Variants in LTB observed in about 807,000 individuals in gnomAD.
LTB encodes lymphotoxin beta, also known as lymphotoxin-beta.
In LTB, 17 loss-of-function variants were observed where a neutral mutation model predicts 14.7. The ratio of observed to expected loss-of-function variants is 1.16; its 90% CI spans 0.79 to 1.73. The LOEUF (loss-of-function observed/expected upper bound fraction) is 1.73. Ranked by LOEUF, LTB falls within the 40% of genes most tolerant of loss-of-function variation. LTB has a pLI of 0.00. For synonymous variants in LTB, 163 were observed against 157.3 expected (o/e 1.04, Z -0.27); for missense variants, 288 against 324.3 (o/e 0.89, Z 0.86).
intron 1 of LTB, 150 bp downstream of exon 1, chr6:31,582,106 G>C: frequency 1.1e-6 from 1 of 945,950 alleles, no homozygotes; most frequent in Non-Finnish European, 1.6e-6. Flanking sequence ...ACAGGAACAT[G>C]GAAAGAGAGT....
At position 31,580,951 on chromosome 6, in the gene LTB, G is replaced by A; in HGVS notation, c.493C>T (p.Arg165Trp). Residue 165 changes from arginine to tryptophan, a missense_variant, in exon 4 of 4, where the codon CGG (arginine) becomes TGG (tryptophan). Transcript: ENST00000429299. The surrounding 1 kb of genome is among the most constrained non-coding windows in gnomAD (Gnocchi z 6.6). ...CCCGGCCCGTAGGCGCCCCCCGCCC[G>A]GTACAGAGAGCTGCGCAGCGTGACC... ...RSVTLRSSLY[R>W]AGGAYGPGTP... The A allele has an allele frequency of 1.3e-6, 2 of 1,571,302 alleles. No individual in the cohort carries two copies. The highest frequency in any genetic ancestry group is 1.7e-6 in the Non-Finnish European group (2 of 1,159,216).
At position 31,581,848 on chromosome 6, in the gene LTB, C is replaced by A. The variant is rs137958291; in HGVS notation, c.174G>T (p.Thr58=). 96 of 1,596,380 alleles carry A rather than the reference C, an allele frequency of 6.0e-5. No homozygotes were observed. In the African/African-American group the frequency reaches 1.1e-3, roughly 19 times the overall value. The change falls in exon 2 of 4, where the codon ACG becomes ACT. Residue 58 remains threonine (T), a synonymous_variant. Transcript: ENST00000429299. ...GCTGGGCCTGTGCCCCGGGGTCGGC[C>A]GTCTCCGTTACCTGGTTGGGTGGGG... ...PQDQGGLVTE[T]ADPGAQAQQG... is the part of the protein sequence containing the mutation.
intron 1 of LTB, 105 bp from the exon 2 acceptor site, chr6:31,581,964 C>A (rs1771565818): frequency 1.7e-6 from 2 of 1,158,686 alleles, no homozygotes; most frequent in Admixed American, 2.3e-5. Context: ...CTCCTACCAG[C>A]ACCATCCCCA....
rs1399580411 is a variant in LTB at position 31,581,310 on chromosome 6, G to A, written c.281-147C>T. 7.6e-6 allele frequency: 6 copies of A among 790,774 alleles called. No individual in the cohort carries two copies. The East Asian group carries it at 1.3e-4, about 18-fold the overall frequency. The allele number at this position is 790,774 out of a possible 1,614,324, so 49.0% of individuals were successfully genotyped here. On this transcript the variant is annotated intron_variant, in intron 3 of 3. Transcript: ENST00000429299. ...CTGTTTCTGGGATGAGTGCGAGTTGGGGGCCGAGGGAACACGGATGTGGGG... is the reference window on the plus strand; with the variant it reads ...CTGTTTCTGGGATGAGTGCGAGTTGAGGGCCGAGGGAACACGGATGTGGGG...
rs776875834 is a variant in LTB at position 31,580,748 on chromosome 6, C to T, written c.696G>A (p.Ala232=). ...NISHPDMVDF[A]RGKTFFGAVM... is the part of the protein sequence containing the mutation. The stretch of plus-strand genomic sequence containing the variant: ...CGGCCCCAAAGAAGGTCTTCCCTCT[C>T]GCGAAGTCCACCATATCGGGGTGAC... Residue 232 remains alanine, a synonymous_variant, in exon 4 of 4, where the codon GCG becomes GCA. Transcript: ENST00000429299. The surrounding 1 kb of genome is among the most constrained non-coding windows in gnomAD (Gnocchi z 6.6). 1 of 1,612,888 alleles carries T rather than the reference C, an allele frequency of 6.2e-7. No homozygotes were observed. The highest frequency in any genetic ancestry group is 8.5e-7 in the Non-Finnish European group (1 of 1,179,880).
At chr6:31,581,981 ACCT>A (rs1261676483) in intron 1 of LTB, 122 bp from the exon 2 acceptor site, 2 of 1,001,536 alleles carry the variant, frequency 2.0e-6, no homozygotes, top group African/African-American at 1.6e-5. Context: ...CCCAACACAC[ACCT>A]CCTTAGAAGG....
chr6:31,580,947 G>A lies in LTB; in HGVS notation c.497C>T (p.Ala166Val). ...SVTLRSSLYR[A>V]GGAYGPGTPE... Reference sequence around the variant, plus strand: ...AGTGCCCGGCCCGTAGGCGCCCCCCGCCCGGTACAGAGAGCTGCGCAGCGT... The same window carrying A: ...AGTGCCCGGCCCGTAGGCGCCCCCCACCCGGTACAGAGAGCTGCGCAGCGT... The change falls in exon 4 of 4, where the codon GCG becomes GTG. Residue 166 changes from alanine (A) to valine (V), a missense_variant. This residue lies in a region of LTB where 284 missense variants were observed against 299.2 expected (regional missense o/e 0.95). Coordinates refer to ENST00000429299, the MANE Select transcript of LTB (RefSeq NM_002341.2). This position sits in a 1 kb window ranked among gnomAD's most constrained non-coding sequence, Gnocchi z 6.6. 6.4e-7 allele frequency: 1 copy of A among 1,572,414 alleles called. No individual in the cohort carries two copies. The highest frequency in any genetic ancestry group is 1.9e-5 in the Admixed American group (1 of 53,828).
chr6:31,581,482 A>G (rs1771503235), intron 3 of LTB, 77 bp downstream of exon 3: 1 of 1,375,786 alleles, frequency 7.3e-7, no homozygotes, highest in African/African-American at 1.4e-5. Context: ...GGAATCATGG[A>G]GCCGAAGGAC....
intron 1 of LTB, 116 bp downstream of exon 1, chr6:31,582,140 A>G: frequency 8.0e-7 from 1 of 1,244,946 alleles, no homozygotes; most frequent in Non-Finnish European, 1.1e-6. Context: ...AGACATCCCC[A>G]CCAGGGACAG....
At position 31,580,875 on chromosome 6, in the gene LTB, T is replaced by C; in HGVS notation, c.569A>G (p.Asp190Gly). 1 of 1,606,558 alleles carries C rather than the reference T, an allele frequency of 6.2e-7. No individual in the cohort carries two copies. The highest frequency in any genetic ancestry group is 8.5e-7 in the Non-Finnish European group (1 of 1,177,298). The stretch of plus-strand genomic sequence containing the variant: ...CCCGTACCCTTGTCTCCTGGCCGGG[T>C]CCAGCACTGGAGTCACCGTCTCGGC... Reference protein sequence around the residue: ...EGAETVTPVLDPARRQGYGPL... With the variant: ...EGAETVTPVLGPARRQGYGPL... Residue 190 changes from aspartate (D) to glycine (G), a missense_variant, in exon 4 of 4, where the codon GAC becomes GGC. By Grantham distance (94) the Asp-to-Gly change is moderately conservative (BLOSUM62 -1). Coordinates refer to ENST00000429299, the MANE Select transcript of LTB (RefSeq NM_002341.2). This position sits in a 1 kb window ranked among gnomAD's most constrained non-coding sequence, Gnocchi z 6.6.
Position 31,581,070 on chromosome 6 carries a change from A to C in LTB, c.374T>G (p.Leu125Arg). 1 of 1,610,906 alleles carries C rather than the reference A, an allele frequency of 6.2e-7. No homozygotes were observed. The highest frequency in any genetic ancestry group is 8.5e-7 in the Non-Finnish European group (1 of 1,179,078). ...ATAGAGGCCGTCCTGCGGGAGCGCC[A>C]GCCCCTCGGCGTCCGAGAACTGCGT... ...SGTQFSDAEGLALPQDGLYYL... is the reference protein window; with the variant it reads ...SGTQFSDAEGRALPQDGLYYL... The change falls in exon 4 of 4, where the codon CTG (leucine) becomes CGG (arginine). Residue 125 changes from leucine to arginine, a missense_variant. Transcript: ENST00000429299.
In LTB at chr6:31,580,876, C is replaced by A. The variant is rs750545997; in HGVS notation, c.568G>T (p.Asp190Tyr). ...EGAETVTPVL[D>Y]PARRQGYGPL... The stretch of plus-strand genomic sequence containing the variant: ...CCGTACCCTTGTCTCCTGGCCGGGT[C>A]CAGCACTGGAGTCACCGTCTCGGCG... Residue 190 changes from aspartate to tyrosine, a missense_variant, in exon 4 of 4, where the codon GAC becomes TAC. Around this residue, in one of 2 missense-constraint regions of LTB, gnomAD observed 284 missense variants for 299.2 expected, o/e 0.95. Coordinates refer to ENST00000429299, the MANE Select transcript of LTB (RefSeq NM_002341.2). This position sits in a 1 kb window ranked among gnomAD's most constrained non-coding sequence, Gnocchi z 6.6. 4 of 1,606,604 alleles carry A rather than the reference C, an allele frequency of 2.5e-6. No individual in the cohort carries two copies. The highest frequency in any genetic ancestry group is 2.7e-5 in the African/African-American group (2 of 74,686).
chr6:31,581,855 G>A lies in LTB; in HGVS notation c.167C>T (p.Thr56Met), dbSNP rs755539032. 6 of 1,592,486 alleles carry A rather than the reference G, an allele frequency of 3.8e-6. No individual in the cohort carries two copies. Among genetic ancestry groups the A allele is most frequent in the East Asian group, 2.2e-5 (1 of 44,788 alleles). The change falls in exon 2 of 4, where the codon ACG becomes ATG. Residue 56 changes from threonine to methionine, a missense_variant. This residue lies in a region of LTB where 284 missense variants were observed against 299.2 expected (regional missense o/e 0.95). Transcript: ENST00000429299. ...CTGTGCCCCGGGGTCGGCCGTCTCCGTTACCTGGTTGGGTGGGGTCACAGT... is the reference window on the plus strand; with the variant it reads ...CTGTGCCCCGGGGTCGGCCGTCTCCATTACCTGGTTGGGTGGGGTCACAGT... The part of the protein sequence containing the change: ...LVPQDQGGLV[T>M]ETADPGAQAQ...
chr6:31,581,997 G>A (rs1771570741), intron 1 of LTB, 138 bp from the exon 2 acceptor site: 10 of 912,324 alleles, frequency 1.1e-5, no homozygotes, highest in African/African-American at 3.3e-5. Flanking sequence ...TTAGAAGGGA[G>A]AACAAGCAAG....
chr6:31,581,056 C>G lies in LTB; in HGVS notation c.388G>C (p.Asp130His). The change falls in exon 4 of 4, where the codon GAC becomes CAC. Residue 130 changes from aspartate to histidine, a missense_variant. Transcript: ENST00000429299. Reference protein sequence around the residue: ...SDAEGLALPQDGLYYLYCLVG... With the variant: ...SDAEGLALPQHGLYYLYCLVG... ...AGACAGTAGAGGTAATAGAGGCCGT[C>G]CTGCGGGAGCGCCAGCCCCTCGGCG... 6.2e-7 allele frequency: 1 copy of G among 1,609,928 alleles called. No homozygotes were observed. The highest frequency in any genetic ancestry group is 8.5e-7 in the Non-Finnish European group (1 of 1,178,782).
At chr6:31,581,231 G>A (rs2150393859) in intron 3 of LTB, 68 bp from the exon 4 acceptor site, 1 of 1,439,828 alleles carries the variant, frequency 6.9e-7, no homozygotes, top group Admixed American at 2.3e-5. Context: ...CTGGGGAAGT[G>A]GCGGCTTTTA....
In LTB at chr6:31,582,404, C is replaced by T. The variant is rs1446901083; in HGVS notation, c.14G>A (p.Gly5Glu). The change falls in exon 1 of 4, where the codon GGG becomes GAG. Residue 5 changes from glycine (G) to glutamate (E), a missense_variant. By Grantham distance (98) the Gly-to-Glu change is moderately conservative. Coordinates refer to ENST00000429299, the MANE Select transcript of LTB (RefSeq NM_002341.2). ...GAGCCTCCCACCCCTGCCCTCCAGC[C>T]CCAGTGCCCCCATTGAGACTGAACC... MGAL[G>E]LEGRGGRLQG... is the part of the protein sequence containing the mutation. The T allele has an allele frequency of 6.2e-6, 10 of 1,612,282 alleles. No individual in the cohort carries two copies. The East Asian group carries it at 6.7e-5, about 11-fold the overall frequency.
rs768328850 is a variant in LTB, at chr6:31,581,551, G to T, written c.280+8C>A. 2 of 1,612,034 alleles carry T rather than the reference G, an allele frequency of 1.2e-6. No homozygotes were observed. The highest frequency in any genetic ancestry group is 2.7e-5 in the African/African-American group (2 of 74,886). On this transcript the variant is annotated splice_region_variant and intron_variant, in intron 3 of 3. Transcript: ENST00000429299. Reference sequence around the variant, plus strand: ...TTACACTCTTATTCAGGTCTTGGAGGTCCTTACCTATGAGGTGGGCAGCTG... The same window carrying T: ...TTACACTCTTATTCAGGTCTTGGAGTTCCTTACCTATGAGGTGGGCAGCTG...
Position 31,580,665 on chromosome 6 carries a change from G to A in LTB, c.*44C>T, listed in dbSNP as rs779671727. ...CACTGCCATGGGGTCCTGGGCGTCC[G>A]GGCCCCCAATATTCACGCACTCGCA... On this transcript the variant is annotated 3_prime_UTR_variant, in exon 4 of 4. Transcript: ENST00000429299. This position sits in a 1 kb window ranked among gnomAD's most constrained non-coding sequence, Gnocchi z 6.6. 3.2e-6 allele frequency: 5 copies of A among 1,539,720 alleles called. No homozygotes were observed. The highest frequency in any genetic ancestry group is 2.7e-5 in the African/African-American group (2 of 73,236).
Sources: allele counts gnomAD v4.1 joint callset, GRCh38; gene constraint gnomAD v4.1.1; regional missense constraint gnomAD v4.1.1; non-coding constraint Gnocchi (gnomAD v3.1); transcripts MANE v1.5; gene names NCBI Gene and HGNC (gene_info 2026-07-23, HGNC 2026-07-21).